UGT2A1: variants seen among roughly 807,000 people sequenced by gnomAD.
The protein encoded by UGT2A1 is UDP glucuronosyltransferase family 2 member A1 complex locus.
Under a neutral mutation model 45.4 loss-of-function variants are expected in UGT2A1, and 61 were observed. The ratio of observed to expected loss-of-function variants is 1.34; its 90% CI spans 1.09 to 1.66. UGT2A1 has a LOEUF of 1.66. Among genes scored for constraint, UGT2A1 ranks in the 40% most tolerant of loss-of-function variants. UGT2A1 has a pLI of 0.00. For synonymous variants in UGT2A1, 229 were observed against 196.2 expected, an observed-to-expected ratio of 1.17 and a Z score of -1.40; for missense variants, 649 against 574.3, an observed-to-expected ratio of 1.13 and a Z score of -1.33.
chr4:69,600,344 T>C (rs1719204292), intron 3 of UGT2A1, among the ~76,000 whole-genome samples: 1 of 152,194 alleles, frequency 6.6e-6, no homozygotes, highest in African/African-American at 2.4e-5. Flanking sequence ...CTCCTAATCC[T>C]ATATCACAAG....
chr4:69,647,606 A>G lies in UGT2A1; in HGVS notation c.39T>C (p.Ser13=). Residue 13 remains serine, a synonymous_variant, in exon 2 of 7, where the codon AGT becomes AGC. Transcript: ENST00000286604. ...TCCCACCAAGAGTGGTTCCTATGAG[A>G]CTTATCTGAAGGGAGAACAGCAGAA... ...NNLLLFSLQI[S]LIGTTLGGNV... The G allele has an allele frequency of 6.2e-7, 1 of 1,602,874 alleles. No individual in the cohort carries two copies.
At chr4:69,609,879 G>C (rs1719929289) in intron 3 of UGT2A1, among the ~76,000 whole-genome samples, 1 of 151,844 alleles carries the variant, frequency 6.6e-6, no homozygotes, top group African/African-American at 2.4e-5. Flanking sequence ...TAGAACTTGG[G>C]GAAAAATAAA....
chr4:69,629,635 T>C (rs77304846), intron 3 of UGT2A1, among the ~76,000 whole-genome samples: 18,360 of 152,046 alleles, frequency 0.12, 1,507 homozygotes, highest in Non-Finnish European at 0.18. Context: ...TTGATAAAAC[T>C]GCATCCCGTC....
intron 3 of UGT2A1, among the ~76,000 whole-genome samples, chr4:69,608,922 T>C (rs1289894184): frequency 6.6e-6 from 1 of 152,064 alleles, no homozygotes; most frequent in African/African-American, 2.4e-5. Context: ...AGCAAAACCA[T>C]AGCTTCTATT....
intron 3 of UGT2A1, among the ~76,000 whole-genome samples, chr4:69,629,123 T>C (rs6832424): frequency 0.36 from 54,105 of 151,682 alleles, 10,019 homozygotes; most frequent in African/African-American, 0.45. Context: ...TTTAACCACC[T>C]TCACTTGAAT....
intron 3 of UGT2A1, among the ~76,000 whole-genome samples, chr4:69,613,158 T>A (rs1720170448): frequency 6.6e-6 from 1 of 151,726 alleles, no homozygotes; most frequent in Non-Finnish European, 1.5e-5. Context: ...CAGAGAAATG[T>A]GAATCAAAAT....
intron 6 of UGT2A1, 50 bp downstream of exon 6, chr4:69,594,427 T>G (rs765871805): frequency 6.3e-7 from 1 of 1,590,764 alleles, no homozygotes; most frequent in Non-Finnish European, 8.6e-7. Flanking sequence ...TCTGGTATTA[T>G]GAATAATGTA....
At chr4:69,593,647 T>C (rs1718715471) in intron 6 of UGT2A1, among the ~76,000 whole-genome samples, 1 of 151,574 alleles carries the variant, frequency 6.6e-6, no homozygotes, top group African/African-American at 2.4e-5. Flanking sequence ...CAGATAAAAT[T>C]ATACTTAAAT....
chr4:69,594,160 G>C (rs952879184), intron 6 of UGT2A1, among the ~76,000 whole-genome samples: 7 of 151,804 alleles, frequency 4.6e-5, no homozygotes, highest in Non-Finnish European at 1.5e-5. Context: ...ATTTTTAGTA[G>C]AGACAGGGTT....
chr4:69,620,104 AT>A (rs1436495935), intron 3 of UGT2A1, among the ~76,000 whole-genome samples: 1 of 151,984 alleles, frequency 6.6e-6, no homozygotes, highest in Non-Finnish European at 1.5e-5. Context: ...CACTACTCCT[AT>A]TCAACATAGT....
At chr4:69,608,141 T>G (rs6814603) in intron 3 of UGT2A1, among the ~76,000 whole-genome samples, 38,628 of 151,906 alleles carry the variant, frequency 0.25, 5,373 homozygotes, top group African/African-American at 0.36. Flanking sequence ...TGCAGCGCTA[T>G]TCACAATAGC....
intron 5 of UGT2A1, 83 bp from the exon 6 acceptor site, chr4:69,594,779 G>T (rs1316068566): frequency 6.9e-7 from 1 of 1,450,956 alleles, no homozygotes; most frequent in Non-Finnish European, 9.3e-7. Flanking sequence ...TCAAAAAGCT[G>T]TAATGTAACT....
intron 3 of UGT2A1, among the ~76,000 whole-genome samples, chr4:69,610,388 T>A (rs954706005): frequency 6.6e-6 from 1 of 152,156 alleles, no homozygotes; most frequent in Non-Finnish European, 1.5e-5. Flanking sequence ...GCCATTTATC[T>A]TCTTGACTTG....
At chr4:69,600,809 T>TAAA (rs34446108) in intron 3 of UGT2A1, among the ~76,000 whole-genome samples, 2,823 of 145,860 alleles carry the variant, frequency 0.019, 101 homozygotes, top group African/African-American at 0.068. Flanking sequence ...GCTATACACT[T>TAAA]AAAAAAAAAA....
intron 2 of UGT2A1, among the ~76,000 whole-genome samples, chr4:69,643,750 T>C (rs1006949643): frequency 6.6e-6 from 1 of 151,674 alleles, no homozygotes; most frequent in Non-Finnish European, 1.5e-5. Flanking sequence ...TAGGGAGTTG[T>C]TCTATTTATT....
chr4:69,645,883 C>T (rs1578008367), intron 2 of UGT2A1, among the ~76,000 whole-genome samples: 2 of 151,732 alleles, frequency 1.3e-5, no homozygotes, highest in East Asian at 1.9e-4. Flanking sequence ...ATCCATCGCA[C>T]CTGTGCTGTT....
rs1218690200 is a variant in UGT2A1 at position 69,647,126 on chromosome 4, A to G, written c.519T>C (p.Phe173=). The change falls in exon 2 of 7, where the codon TTT becomes TTC. Residue 173 remains phenylalanine (F), a synonymous_variant. Transcript: ENST00000286604. ...GCTTTTCCACTGTTGAGGCTGGAGA[A>G]AACCTCAAGGAGTACATAAATGGAA... is the stretch of plus-strand genomic sequence containing the variant. ...LGIPFMYSLR[F]SPASTVEKHC... The G allele has an allele frequency of 3.1e-6, 5 of 1,612,990 alleles. No individual in the cohort carries two copies. Among genetic ancestry groups the G allele is most frequent in the Non-Finnish European group, 4.2e-6 (5 of 1,179,354 alleles).
chr4:69,596,743 A>T (rs1577947162), intron 4 of UGT2A1, among the ~76,000 whole-genome samples: 1 of 152,054 alleles, frequency 6.6e-6, no homozygotes, highest in South Asian at 2.1e-4. Flanking sequence ...GCTGGTCTCC[A>T]CCTCCTGGCC....
At chr4:69,631,555 C>A (rs1721388899) in intron 3 of UGT2A1, among the ~76,000 whole-genome samples, 1 of 151,902 alleles carries the variant, frequency 6.6e-6, no homozygotes, top group Non-Finnish European at 1.5e-5. Flanking sequence ...ACAGAATATA[C>A]AAAAATATAA....
Sources: gnomAD v4.1 joint callset for allele counts (sites outside exome capture counted in the v4.1 genomes callset) on GRCh38, gnomAD v4.1.1 for gene constraint, MANE v1.5 for transcripts, NCBI Gene and HGNC (gene_info 2026-07-23, HGNC 2026-07-21) for gene names.